Variants in STOML1 observed in about 807,000 individuals in gnomAD.
STOML1 encodes stomatin-like protein 1.
A neutral mutation model predicts 35.7 loss-of-function variants in STOML1; 27 were observed. The observed-to-expected ratio is 0.76, with a 90% CI of 0.56 to 1.04. The LOEUF (loss-of-function observed/expected upper bound fraction) is 1.04. Among genes scored for constraint, STOML1 ranks in the 50% least tolerant of loss-of-function variants. The pLI, the probability that STOML1 is intolerant of heterozygous loss-of-function variation, is 0.00. For missense variants in STOML1, 451 were observed against 527.1 expected (o/e 0.86, Z 1.41); for synonymous variants, 219 against 227.9 (o/e 0.96, Z 0.35).
chr15:73,990,939 C>A, intron 1 of STOML1: 1 of 1,507,392 alleles, frequency 6.6e-7, no homozygotes. Flanking sequence ...GAAGATGATG[C>A]CTTAGCCTAC....
chr15:73,987,982 A>AGGT (rs2069147893), intron 4 of STOML1: 1 of 152,300 alleles, frequency 6.6e-6, no homozygotes, highest in Non-Finnish European at 1.5e-5. Context: ...TTCCCCTGTC[A>AGGT]GGACACAAGA....
rs1406113565 is a variant in STOML1 at position 73,980,293 on chromosome 15, T to G, written c.*3644A>C. The G allele has an allele frequency of 6.6e-6, 1 of 152,220 alleles. No individual in the cohort carries two copies. 9.4% of individuals were successfully genotyped at this position (152,220 alleles called of 1,614,324 possible). A position where few individuals can be genotyped will look rare whatever the true frequency, so the allele number is the denominator to read the frequency against. On this transcript the variant is annotated 3_prime_UTR_variant, in exon 7 of 7. Coordinates refer to ENST00000541638, the MANE Select transcript of STOML1 (RefSeq NM_004809.5). ...CAATTCCACTTCTAGGATTTTATCT[T>G]ATAGATAAACTCTACCACAAATAGC...
chr15:73,983,851 G>T lies in STOML1; in HGVS notation c.*86C>A. The T allele has an allele frequency of 6.9e-7, 1 of 1,451,890 alleles. No individual in the cohort carries two copies. Among genetic ancestry groups the T allele is most frequent in the African/African-American group, 1.4e-5 (1 of 70,538 alleles). The allele number at this position is 1,451,890 out of a possible 1,614,324, so 89.9% of individuals were successfully genotyped here. On this transcript the variant is annotated 3_prime_UTR_variant, in exon 7 of 7. Coordinates refer to ENST00000541638, the MANE Select transcript of STOML1 (RefSeq NM_004809.5). ...TTTGTTAGGGCCTCAACTCTCTGTG[G>T]TGCAGATGAACACCTCCTCCTCCAA...
rs1188068171 is a variant in STOML1 at position 73,983,995 on chromosome 15, AC to A, written c.1138del (p.Val380Ter). On this transcript the variant is annotated frameshift_variant, in exon 7 of 7. Coordinates refer to ENST00000541638, the MANE Select transcript of STOML1 (RefSeq NM_004809.5). LOFTEE classifies it high-confidence loss of function. ...CATGGCCATAGCCAGGTCGCCCTTC[AC>A]CTTCAGCCGTCCACTCATGTAGGCC... ...LGAYMSGRLKVKGDLAMAMKL... is the reference protein window; with the variant it reads ...LGAYMSGRLKXKGDLAMAMKL... The A allele has an allele frequency of 6.2e-7, 1 of 1,613,874 alleles. No individual in the cohort carries two copies. The highest frequency in any genetic ancestry group is 1.7e-5 in the Admixed American group (1 of 60,006).
upstream of STOML1, among the ~76,000 whole-genome samples, chr15:73,992,555 T>C (rs1410057331): frequency 2.0e-5 from 3 of 152,062 alleles, no homozygotes; most frequent in Non-Finnish European, 4.4e-5. Context: ...ACTCCTATAA[T>C]CCATCAATTT....
At position 73,983,109 on chromosome 15, in the gene STOML1, G is replaced by C. The variant is rs2068981602; in HGVS notation, c.*828C>G. ...CTTCAAATATTGTGAGGGTCTGTCT[G>C]TGTCAGCCACCAGGATGTCAATCCC... On this transcript the variant is annotated 3_prime_UTR_variant, in exon 7 of 7. Transcript: ENST00000541638. 6.6e-6 allele frequency: 1 copy of C among 151,968 alleles called. No homozygotes were observed. Among genetic ancestry groups the C allele is most frequent in the Non-Finnish European group, 1.5e-5 (1 of 67,988 alleles). The allele number at this position is 151,968 out of a possible 1,614,324, so 9.4% of individuals were successfully genotyped here.
chr15:73,980,679 GGGAAATA>G lies in STOML1; in HGVS notation c.*3251_*3257del, dbSNP rs2068950630. On this transcript the variant is annotated 3_prime_UTR_variant, in exon 7 of 7. Transcript: ENST00000541638. ...AATCGCAGGGGATGGGGGAAGGCAT[GGGAAATA>G]TGTGTGGAGGGAGAATTTTCATAAT... 6.6e-6 allele frequency: 1 copy of G among 152,170 alleles called. No individual in the cohort carries two copies. The highest frequency in any genetic ancestry group is 1.5e-5 in the Non-Finnish European group (1 of 68,042). The allele number at this position is 152,170 out of a possible 1,614,324, so 9.4% of individuals were successfully genotyped here. A position where few individuals can be genotyped will look rare whatever the true frequency, so the allele number is the denominator to read the frequency against.
In STOML1 at chr15:73,988,365, G is replaced by A; in HGVS notation, c.594+234C>T. On this transcript the variant is annotated intron_variant, in intron 4 of 6. Coordinates refer to ENST00000541638, the MANE Select transcript of STOML1 (RefSeq NM_004809.5). This position sits in a 1 kb window ranked among gnomAD's most constrained non-coding sequence, Gnocchi z 4.8. ...GGCAGACCCCAAGAATGTCTGCCGG[G>A]GCCACTTCCTCTTCTCAGGGACAAG... 1 of 549,836 alleles carries A rather than the reference G, an allele frequency of 1.8e-6. No individual in the cohort carries two copies. The highest frequency in any genetic ancestry group is 3.2e-6 in the Non-Finnish European group (1 of 309,062). 34.1% of individuals were successfully genotyped at this position (549,836 alleles called of 1,614,324 possible).
chr15:73,990,950 A>G, intron 1 of STOML1: 2 of 1,486,764 alleles, frequency 1.3e-6, no homozygotes, highest in Admixed American at 4.6e-5. Flanking sequence ...CTTAGCCTAC[A>G]GGGATAAATC....
In STOML1 at chr15:73,985,309, G is replaced by T; in HGVS notation, c.790+9C>A. On this transcript the variant is annotated intron_variant, in intron 5 of 6. Coordinates refer to ENST00000541638, the MANE Select transcript of STOML1 (RefSeq NM_004809.5). ...AAACACCCCCGCTCTCCTCCCCAGG[G>T]CTCCTCACCTGGCCCCGGGGACGGG... 4 of 1,523,186 alleles carry T rather than the reference G, an allele frequency of 2.6e-6. No individual in the cohort carries two copies. The highest frequency in any genetic ancestry group is 3.5e-6 in the Non-Finnish European group (4 of 1,142,346). 94.4% of individuals were successfully genotyped at this position (1,523,186 alleles called of 1,614,324 possible).
At chr15:73,994,484 G>A (rs901700081), upstream of STOML1, 18 of 431,248 alleles carry the variant, frequency 4.2e-5, no homozygotes, top group Admixed American at 6.6e-4. Context: ...AGTGTGAACG[G>A]ATGAATGGAT....
At chr15:73,986,618 C>T (rs1397240546) in intron 4 of STOML1, 1 of 151,966 alleles carries the variant, frequency 6.6e-6, no homozygotes, top group Non-Finnish European at 1.5e-5. Flanking sequence ...GGAGGAAGTA[C>T]AGGGGGTTCT....
rs1056950881 is a variant in STOML1 at position 73,988,329 on chromosome 15, A to T, written c.594+270T>A. 3 of 437,526 alleles carry T rather than the reference A, an allele frequency of 6.9e-6. No homozygotes were observed. Among genetic ancestry groups the T allele is most frequent in the African/African-American group, 5.9e-5 (3 of 50,456 alleles). 27.1% of individuals were successfully genotyped at this position (437,526 alleles called of 1,614,324 possible). On this transcript the variant is annotated intron_variant, in intron 4 of 6. Transcript: ENST00000541638. The surrounding 1 kb of genome is among the most constrained non-coding windows in gnomAD (Gnocchi z 4.8). The stretch of plus-strand genomic sequence containing the variant: ...TCATCATGGCAGAGCAGTGAGGGGT[A>T]AAAACTAAGGGGCAGACCCCAAGAA...
upstream of STOML1, among the ~76,000 whole-genome samples, chr15:73,993,372 A>C (rs1188286702): frequency 6.6e-6 from 1 of 152,230 alleles, no homozygotes; most frequent in African/African-American, 2.4e-5. Context: ...AAAGAAATGA[A>C]TAAAGCTTCC....
chr15:73,992,396 G>C (rs28764187), upstream of STOML1: 1 of 651,832 alleles, frequency 1.5e-6, no homozygotes, highest in African/African-American at 1.9e-5. Flanking sequence ...GCCGTCGCAT[G>C]GCTCCCCCTG....
rs2069028630 is a variant in STOML1, at chr15:73,984,648, G to A, written c.1003+11C>T. The A allele has an allele frequency of 5.6e-6, 9 of 1,612,446 alleles. No individual in the cohort carries two copies. The highest frequency in any genetic ancestry group is 7.6e-6 in the Non-Finnish European group (9 of 1,178,802). On this transcript the variant is annotated intron_variant, in intron 6 of 6. Coordinates refer to ENST00000541638, the MANE Select transcript of STOML1 (RefSeq NM_004809.5). ...CTGGATGGGAAGGAGAGGCAAGGAG[G>A]GCAGCGGCACCTGTAGTGAGGTCCA...
chr15:73,988,541 G>T lies in STOML1; in HGVS notation c.594+58C>A. 3 of 1,597,714 alleles carry T rather than the reference G, an allele frequency of 1.9e-6. No individual in the cohort carries two copies. Among genetic ancestry groups the T allele is most frequent in the Non-Finnish European group, 2.6e-6 (3 of 1,170,084 alleles). On this transcript the variant is annotated intron_variant, in intron 4 of 6. Coordinates refer to ENST00000541638, the MANE Select transcript of STOML1 (RefSeq NM_004809.5). The surrounding 1 kb of genome is among the most constrained non-coding windows in gnomAD (Gnocchi z 4.8). Reference sequence around the variant, plus strand: ...CTGACTCTTTTCTCAAAGTGACCTGGCAGGTGGAGCCAGGCCGGTGCCACC... The same window carrying T: ...CTGACTCTTTTCTCAAAGTGACCTGTCAGGTGGAGCCAGGCCGGTGCCACC...
chr15:73,988,778 G>A lies in STOML1; in HGVS notation c.415C>T (p.Leu139=). ...CKLASKDGAV[L]SVGADVQFRI... is the part of the protein sequence containing the mutation. ...AACTGGACATCGGCTCCCACGGACAGCACAGCCCCGTCCTTAGAGGCCAGC... is the reference window on the plus strand; with the variant it reads ...AACTGGACATCGGCTCCCACGGACAACACAGCCCCGTCCTTAGAGGCCAGC... The change falls in exon 4 of 7, where the codon CTG becomes TTG. Residue 139 remains leucine (L), a synonymous_variant. Coordinates refer to ENST00000541638, the MANE Select transcript of STOML1 (RefSeq NM_004809.5). This position sits in a 1 kb window ranked among gnomAD's most constrained non-coding sequence, Gnocchi z 4.8. 6.2e-7 allele frequency: 1 copy of A among 1,613,884 alleles called. No homozygotes were observed. Among genetic ancestry groups the A allele is most frequent in the Non-Finnish European group, 8.5e-7 (1 of 1,179,764 alleles).
At chr15:73,990,018 G>C (rs1326318373) in intron 2 of STOML1, 1 of 237,486 alleles carries the variant, frequency 4.2e-6, no homozygotes, top group Non-Finnish European at 8.4e-6. Flanking sequence ...GCTGGGCTAA[G>C]TTGGGTGTTT....
Sources: gnomAD v4.1 joint callset for allele counts (sites outside exome capture counted in the v4.1 genomes callset) on GRCh38, gnomAD v4.1.1 for gene constraint, Gnocchi (gnomAD v3.1) non-coding constraint, MANE v1.5 for transcripts, NCBI Gene and HGNC (gene_info 2026-07-23, HGNC 2026-07-21) for gene names.